The following RPS6KA2 variants were observed in gnomAD, a reference collection of about 807,000 sequenced individuals.
RPS6KA2 encodes ribosomal protein S6 kinase alpha-2.
Under a neutral mutation model 91.8 loss-of-function variants are expected in RPS6KA2, and 42 were observed. That is an observed-to-expected ratio of 0.46 (90% CI 0.36 to 0.59). The LOEUF (loss-of-function observed/expected upper bound fraction) is 0.59. RPS6KA2 is among the 20% of genes least tolerant of loss of function. The probability of loss-of-function intolerance (pLI) is 0.00; values close to 1 mark genes in which losing one functional copy is unlikely to be tolerated. For synonymous variants in RPS6KA2, 414 were observed against 393.6 expected (o/e 1.05, Z -0.61); for missense variants, 798 against 978.5 (o/e 0.82, Z 2.46).
At position 166,665,079 on chromosome 6, in the gene RPS6KA2, T is replaced by C. The variant is rs144207433; in HGVS notation, c.124-126295A>G. 1.6e-3 allele frequency among the ~76,000 whole-genome samples: 238 copies of C among 152,242 alleles called. No homozygotes were observed. The highest frequency in any genetic ancestry group is 5.4e-3 in the African/African-American group (226 of 41,538). On this transcript the variant is annotated intron_variant, in intron 2 of 21. Coordinates refer to the RPS6KA2 transcript ENST00000503859. This position sits in a 1 kb window ranked among gnomAD's most constrained non-coding sequence, Gnocchi z 4.5. ...GGGCAAAATAGTGAGACCCCATCTC[T>C]ACAAAAAATAAAATTAGCCAGGCAT... is the stretch of plus-strand genomic sequence containing the variant.
intron 1 of RPS6KA2, among the ~76,000 whole-genome samples, chr6:166,550,808 C>G (rs577207099): frequency 2.0e-5 from 3 of 151,930 alleles, no homozygotes; most frequent in Non-Finnish European, 4.4e-5. Flanking sequence ...CGACACCATC[C>G]TGGCTAACAC....
At chr6:166,788,633 C>T (rs185010103) in intron 2 of RPS6KA2, among the ~76,000 whole-genome samples, 68 of 152,232 alleles carry the variant, frequency 4.5e-4, no homozygotes, top group African/African-American at 1.5e-3. Flanking sequence ...GGGAGCTGAA[C>T]AATGAGACCA....
intron 2 of RPS6KA2, among the ~76,000 whole-genome samples, chr6:166,807,390 T>C (rs1014688989): frequency 6.6e-6 from 1 of 152,176 alleles, no homozygotes; most frequent in Non-Finnish European, 1.5e-5. Context: ...ACATGTGTTC[T>C]TTTTTCCACT....
In RPS6KA2 at chr6:166,423,167, C is replaced by A; in HGVS notation, c.1743+89G>T. ...ACGCAGCTCAAGCCGCCTCTGACATCCCCGCTGTCCGGTGGCTCTGCAGTG... is the reference window on the plus strand; with the variant it reads ...ACGCAGCTCAAGCCGCCTCTGACATACCCGCTGTCCGGTGGCTCTGCAGTG... On this transcript the variant is annotated intron_variant, in intron 17 of 20. Transcript: ENST00000265678. The surrounding 1 kb of genome is among the most constrained non-coding windows in gnomAD (Gnocchi z 4.8). 1 of 1,381,862 alleles carries A rather than the reference C, an allele frequency of 7.2e-7. No homozygotes were observed. 85.6% of individuals were successfully genotyped at this position (1,381,862 alleles called of 1,614,324 possible). A position where few individuals can be genotyped will look rare whatever the true frequency, so the allele number is the denominator to read the frequency against.
chr6:166,807,091 C>CA (rs893847098), intron 2 of RPS6KA2, among the ~76,000 whole-genome samples: 6 of 152,062 alleles, frequency 3.9e-5, no homozygotes, highest in African/African-American at 1.4e-4. Context: ...AAATGAGAGA[C>CA]AAAACGCTAT....
In RPS6KA2 at chr6:166,770,825, A is replaced by C; in HGVS notation, c.123+87375T>G. The C allele has an allele frequency of 6.4e-7, 1 of 1,553,744 alleles. No individual in the cohort carries two copies. The highest frequency in any genetic ancestry group is 8.6e-7 in the Non-Finnish European group (1 of 1,160,878). ...TTAAAAAAAAAATGTAACTCACATA[A>C]GCATGGAAAAAAACAAACCCACAGG... On this transcript the variant is annotated intron_variant, in intron 2 of 21. Coordinates refer to the RPS6KA2 transcript ENST00000503859. This position sits in a 1 kb window ranked among gnomAD's most constrained non-coding sequence, Gnocchi z 5.1.
At position 166,437,401 on chromosome 6, in the gene RPS6KA2, A is replaced by AG. The variant is rs1379237476; in HGVS notation, c.1333-4912dup. Among the ~76,000 whole-genome samples, 1 of 152,230 alleles carries AG rather than the reference A, an allele frequency of 6.6e-6. No homozygotes were observed. The highest frequency in any genetic ancestry group is 2.1e-4 in the South Asian group (1 of 4,836). ...TTCTCAGCAAGCGTGGTGATGAACA[A>AG]GGCCTCCCCTCCAGGCTGACGCTCA... is the stretch of plus-strand genomic sequence containing the variant. On this transcript the variant is annotated intron_variant, in intron 14 of 20. Transcript: ENST00000265678. The surrounding 1 kb of genome is among the most constrained non-coding windows in gnomAD (Gnocchi z 4.3).
intron 2 of RPS6KA2, among the ~76,000 whole-genome samples, chr6:166,721,590 G>A (rs1474275693): frequency 2.0e-5 from 3 of 152,220 alleles, no homozygotes; most frequent in Admixed American, 1.3e-4. Flanking sequence ...CTAGAGCTTC[G>A]TAAAGCTAGG....
intron 2 of RPS6KA2, among the ~76,000 whole-genome samples, chr6:166,703,607 T>C (rs1366850753): frequency 6.6e-6 from 1 of 152,238 alleles, no homozygotes; most frequent in East Asian, 1.9e-4. Context: ...TCTGCATCAT[T>C]AAAAAGATCT....
chr6:166,783,257 A>C (rs1381835084), intron 2 of RPS6KA2, among the ~76,000 whole-genome samples: 1 of 151,696 alleles, frequency 6.6e-6, no homozygotes, highest in African/African-American at 2.4e-5. Flanking sequence ...TAACATTGAA[A>C]TCAGCAGATT....
intron 1 of RPS6KA2, among the ~76,000 whole-genome samples, chr6:166,616,426 C>G (rs905871599): frequency 1.3e-5 from 2 of 152,352 alleles, no homozygotes; most frequent in East Asian, 3.9e-4. Context: ...TCACCAGCAG[C>G]AGCTCTCATG....
intron 2 of RPS6KA2, among the ~76,000 whole-genome samples, chr6:166,755,662 C>T (rs1456369106): frequency 6.6e-6 from 1 of 152,152 alleles, no homozygotes; most frequent in Non-Finnish European, 1.5e-5. Context: ...CTTTCCTTCA[C>T]CTAAACAAAC....
chr6:166,453,197 T>TCACACACAATCACACA (rs1554275248), intron 12 of RPS6KA2, among the ~76,000 whole-genome samples: 1 of 141,150 alleles, frequency 7.1e-6, no homozygotes, highest in African/African-American at 2.6e-5. Context: ...TGAGACTCCA[T>TCACACACAATCACACA]CACACACACA....
intron 2 of RPS6KA2, among the ~76,000 whole-genome samples, chr6:166,772,344 T>C (rs750740633): frequency 6.7e-6 from 1 of 150,294 alleles, no homozygotes; most frequent in Non-Finnish European, 1.5e-5. Flanking sequence ...GCAGATGACC[T>C]AAGTCTGGGG....
chr6:166,439,766 A>T (rs1779460625), intron 14 of RPS6KA2: 1 of 152,278 alleles, frequency 6.6e-6, no homozygotes, highest in East Asian at 1.9e-4. Flanking sequence ...ACTTGGAAGC[A>T]GGGACAGAAC....
chr6:166,684,101 C>T (rs1788927681), intron 2 of RPS6KA2, among the ~76,000 whole-genome samples: 1 of 152,118 alleles, frequency 6.6e-6, no homozygotes, highest in South Asian at 2.1e-4. Flanking sequence ...GAAAACAGGG[C>T]CCAACCTCCC....
At chr6:166,587,222 C>T (rs544171638) in intron 1 of RPS6KA2, among the ~76,000 whole-genome samples, 1 of 152,324 alleles carries the variant, frequency 6.6e-6, no homozygotes, top group Admixed American at 6.5e-5. Context: ...AGTCCAGAGA[C>T]CCTGGGTCAG....
intron 1 of RPS6KA2, among the ~76,000 whole-genome samples, chr6:166,585,498 C>CTTTTTTTTTTTTTTTTTT (rs58153048): frequency 2.3e-5 from 2 of 86,306 alleles, no homozygotes; most frequent in Non-Finnish European, 3.9e-5. Flanking sequence ...TCAAACAAGT[C>CTTTTTTTTTTTTTTTTTT]TTTTTTTTTT....
intron 6 of RPS6KA2, among the ~76,000 whole-genome samples, chr6:166,502,750 G>A (rs1782068930): frequency 6.6e-6 from 1 of 152,208 alleles, no homozygotes; most frequent in Admixed American, 6.5e-5. Flanking sequence ...GGGACTCCCA[G>A]GGCTCAGAGC....
Sources: allele counts gnomAD v4.1 joint callset (sites outside exome capture counted in the v4.1 genomes callset), GRCh38; gene constraint gnomAD v4.1.1; non-coding constraint Gnocchi (gnomAD v3.1); transcripts MANE v1.5; gene names NCBI Gene and HGNC (gene_info 2026-07-23, HGNC 2026-07-21).